Variants in EYA1 observed in about 807,000 individuals in gnomAD.
The protein encoded by EYA1 is EYA transcriptional coactivator and phosphatase 1, also known as protein phosphatase EYA1.
EYA1 carries 16 observed loss-of-function variants against 82.0 expected under a neutral mutation model. The ratio of observed to expected loss-of-function variants is 0.20; its 90% CI spans 0.13 to 0.30. The LOEUF (loss-of-function observed/expected upper bound fraction) is 0.30. Among genes scored for constraint, EYA1 ranks in the 10% least tolerant of loss-of-function variants. The pLI is 1.00. For synonymous variants in EYA1, 261 were observed against 264.4 expected, an observed-to-expected ratio of 0.99 and a Z score of 0.12; for missense variants, 633 against 730.7, an observed-to-expected ratio of 0.87 and a Z score of 1.54.
intron 2 of EYA1, among the ~76,000 whole-genome samples, chr8:71,416,012 G>A (rs1830834925): frequency 6.6e-6 from 1 of 152,142 alleles, no homozygotes; most frequent in Non-Finnish European, 1.5e-5. Flanking sequence ...TGCCACCCTG[G>A]ATCCATTCTC....
chr8:71,506,778 C>T (rs1169015469), intron 2 of EYA1, among the ~76,000 whole-genome samples: 1 of 151,966 alleles, frequency 6.6e-6, no homozygotes, highest in East Asian at 1.9e-4. Flanking sequence ...TTTTCAAGTG[C>T]TTTACTATGA....
At chr8:71,333,439 T>C (rs1406058518) in intron 4 of EYA1, among the ~76,000 whole-genome samples, 1 of 152,214 alleles carries the variant, frequency 6.6e-6, no homozygotes, top group African/African-American at 2.4e-5. Flanking sequence ...TTACCTCTGA[T>C]ATAAATAATT....
chr8:71,536,118 C>T (rs1814691885), intron 1 of EYA1, among the ~76,000 whole-genome samples: 1 of 152,162 alleles, frequency 6.6e-6, no homozygotes. Context: ...GCAGGGGGAG[C>T]AGCTAAAGAT....
chr8:71,311,500 C>T (rs968047552), intron 7 of EYA1, among the ~76,000 whole-genome samples: 1 of 152,206 alleles, frequency 6.6e-6, no homozygotes, highest in Admixed American at 6.5e-5. Flanking sequence ...ACACTCTGTC[C>T]ATCCACACCC....
At chr8:71,336,719 A>G (rs917619930) in intron 3 of EYA1, among the ~76,000 whole-genome samples, 2 of 152,212 alleles carry the variant, frequency 1.3e-5, no homozygotes, top group Non-Finnish European at 2.9e-5. Context: ...ACCATTGTTC[A>G]AACATACCCA....
intron 2 of EYA1, among the ~76,000 whole-genome samples, chr8:71,527,375 C>T (rs1214753094): frequency 1.3e-5 from 2 of 152,132 alleles, no homozygotes; most frequent in East Asian, 1.9e-4. Flanking sequence ...GGACACCAGT[C>T]GAATCATACT....
intron 2 of EYA1, among the ~76,000 whole-genome samples, chr8:71,412,092 A>C (rs1489786192): frequency 6.7e-6 from 1 of 148,792 alleles, no homozygotes; most frequent in Admixed American, 6.7e-5. Context: ...ACATGGATGA[A>C]ATTGGAAACC....
intron 12 of EYA1, among the ~76,000 whole-genome samples, chr8:71,220,189 C>T (rs1809718447): frequency 6.6e-6 from 1 of 152,138 alleles, no homozygotes; most frequent in Non-Finnish European, 1.5e-5. Flanking sequence ...ACAGAACATA[C>T]ATAATTCTAT....
chr8:71,219,110 A>T (rs1163351781), intron 12 of EYA1, among the ~76,000 whole-genome samples: 1 of 152,130 alleles, frequency 6.6e-6, no homozygotes, highest in Non-Finnish European at 1.5e-5. Context: ...ACAGCTGTGA[A>T]CGACCCCATT....
chr8:71,412,030 C>G (rs1349703615), intron 2 of EYA1, among the ~76,000 whole-genome samples: 2 of 151,378 alleles, frequency 1.3e-5, no homozygotes, highest in Non-Finnish European at 2.9e-5. Context: ...ACATATACAC[C>G]ATGGAATACT....
intron 9 of EYA1, among the ~76,000 whole-genome samples, chr8:71,276,103 A>T (rs931113474): frequency 6.6e-6 from 1 of 152,236 alleles, no homozygotes; most frequent in African/African-American, 2.4e-5. Flanking sequence ...TTCATCTAAA[A>T]GTCTTGCTAA....
chr8:71,239,056 CTATTTT>C (rs1277845625), intron 12 of EYA1, among the ~76,000 whole-genome samples: 1 of 151,924 alleles, frequency 6.6e-6, no homozygotes, highest in African/African-American at 2.4e-5. Context: ...TTTTATATTT[CTATTTT>C]TAACTTCAGA....
intron 3 of EYA1, among the ~76,000 whole-genome samples, chr8:71,347,167 C>T (rs370255048): frequency 3.3e-5 from 5 of 152,310 alleles, no homozygotes; most frequent in African/African-American, 1.2e-4. Flanking sequence ...CTGGGGAGTC[C>T]ATGTTTTAAA....
chr8:71,255,932 G>T (rs1814359301), intron 11 of EYA1, among the ~76,000 whole-genome samples: 1 of 152,028 alleles, frequency 6.6e-6, no homozygotes, highest in Non-Finnish European at 1.5e-5. Context: ...TATACAAATG[G>T]TCAAAAAGCA....
rs545020826 is a variant in EYA1, at chr8:71,226,235, T to C, written c.1141-9212A>G. On this transcript the variant is annotated intron_variant, in intron 12 of 17. Coordinates refer to ENST00000340726, the MANE Select transcript of EYA1 (RefSeq NM_000503.6). ...TCAAAGTTTTGATATTTTCTTATAA[T>C]ATTAATCCCTTTTAAAATGTGCTAA... Among the ~76,000 whole-genome samples, 321 of 152,280 alleles carry C rather than the reference T, an allele frequency of 2.1e-3. 2 individuals are homozygous for C. The highest frequency in any genetic ancestry group is 7.5e-3 in the African/African-American group (312 of 41,572).
intron 2 of EYA1, among the ~76,000 whole-genome samples, chr8:71,493,664 CATTATAT>C (rs991346565): frequency 5.3e-5 from 8 of 151,768 alleles, no homozygotes; most frequent in Non-Finnish European, 1.5e-5. Context: ...TGGTTAATTT[CATTATAT>C]ATTATATATT....
intron 2 of EYA1, among the ~76,000 whole-genome samples, chr8:71,507,383 C>T (rs1425809753): frequency 6.6e-6 from 1 of 152,064 alleles, no homozygotes; most frequent in Admixed American, 6.6e-5. Context: ...AATTTTTTAC[C>T]TCTCATACTG....
intron 2 of EYA1, among the ~76,000 whole-genome samples, chr8:71,469,610 T>C (rs1040055077): frequency 6.6e-6 from 1 of 152,140 alleles, no homozygotes; most frequent in Non-Finnish European, 1.5e-5. Context: ...AATATATATG[T>C]ACTATGCAGT....
chr8:71,472,788 GATATATAT>G (rs71264559), intron 2 of EYA1, among the ~76,000 whole-genome samples: 6 of 126,840 alleles, frequency 4.7e-5, no homozygotes, highest in East Asian at 3.5e-4. Context: ...TAGCTTTGAA[GATATATAT>G]ATATATATAT....
Sources: gnomAD v4.1 joint callset for allele counts (sites outside exome capture counted in the v4.1 genomes callset) on GRCh38, gnomAD v4.1.1 for gene constraint, MANE v1.5 for transcripts, NCBI Gene and HGNC (gene_info 2026-07-23, HGNC 2026-07-21) for gene names.